Variants in METTL15 observed in about 807,000 individuals in gnomAD.
The protein encoded by METTL15 is methyltransferase 15, mitochondrial 12S rRNA N4-cytidine.
METTL15 carries 34 observed loss-of-function variants against 38.3 expected under a neutral mutation model. That is an observed-to-expected ratio of 0.89 (90% confidence interval 0.68 to 1.18). METTL15 has a LOEUF of 1.18. Ranked by LOEUF, METTL15 falls within the 50% of genes most tolerant of loss-of-function variation. The pLI is 0.00. For missense variants in METTL15, 438 were observed against 498.4 expected, an observed-to-expected ratio of 0.88 and a Z score of 1.15; for synonymous variants, 162 against 170.9, an observed-to-expected ratio of 0.95 and a Z score of 0.41.
intron 3 of METTL15, among the ~76,000 whole-genome samples, chr11:28,129,867 G>T (rs1852681585): frequency 6.6e-6 from 1 of 152,160 alleles, no homozygotes; most frequent in African/African-American, 2.4e-5. Flanking sequence ...ACTATGCCCA[G>T]AAGATTTATC....
At chr11:28,185,590 A>G (rs1851464883) in intron 3 of METTL15, among the ~76,000 whole-genome samples, 1 of 151,428 alleles carries the variant, frequency 6.6e-6, no homozygotes, top group African/African-American at 2.4e-5. Context: ...GCGGTGAAAC[A>G]AAAGAAATAT....
At chr11:28,465,951 A>C (rs1392757466) in intron 6 of METTL15, among the ~76,000 whole-genome samples, 1 of 152,186 alleles carries the variant, frequency 6.6e-6, no homozygotes, top group Non-Finnish European at 1.5e-5. Context: ...ATCTTTACTC[A>C]TTGATTACAG....
chr11:28,114,028 G>A (rs1461552800), intron 3 of METTL15, among the ~76,000 whole-genome samples: 1 of 152,172 alleles, frequency 6.6e-6, no homozygotes, highest in East Asian at 1.9e-4. Flanking sequence ...TAACCCCCTT[G>A]TAAGTTGAGG....
chr11:28,288,311 G>A (rs563811772), intron 4 of METTL15, among the ~76,000 whole-genome samples: 46 of 152,212 alleles, frequency 3.0e-4, no homozygotes, highest in African/African-American at 1.0e-3. Flanking sequence ...TGCCACCACT[G>A]GGTATATACC....
At chr11:28,361,132 G>A (rs1850134810) in intron 4 of METTL15, among the ~76,000 whole-genome samples, 1 of 151,128 alleles carries the variant, frequency 6.6e-6, no homozygotes, top group Admixed American at 6.6e-5. Context: ...GTGTGCATGT[G>A]TCTTTATAGC....
At chr11:28,196,122 A>G (rs1465876979) in intron 3 of METTL15, among the ~76,000 whole-genome samples, 1 of 152,050 alleles carries the variant, frequency 6.6e-6, no homozygotes, top group Admixed American at 6.6e-5. Flanking sequence ...TATAATTGAA[A>G]TTGAAGTAAT....
At chr11:28,513,831 A>G (rs1057414735) in intron 6 of METTL15, among the ~76,000 whole-genome samples, 1 of 152,258 alleles carries the variant, frequency 6.6e-6, no homozygotes, top group African/African-American at 2.4e-5. Flanking sequence ...AACGCCTTTA[A>G]GCAGTTTTCC....
chr11:28,368,171 A>G (rs1441840793), intron 5 of METTL15, among the ~76,000 whole-genome samples: 3 of 151,324 alleles, frequency 2.0e-5, no homozygotes, highest in African/African-American at 4.8e-5. Context: ...AAACAAAGAA[A>G]AAAACAGAAA....
chr11:28,203,285 T>A (rs561268105), intron 3 of METTL15, among the ~76,000 whole-genome samples: 115 of 152,158 alleles, frequency 7.6e-4, no homozygotes, highest in Non-Finnish European at 1.4e-3. Flanking sequence ...TCTTCATCAG[T>A]AACTGGTACA....
intron 3 of METTL15, among the ~76,000 whole-genome samples, chr11:28,155,690 T>A (rs1432041783): frequency 6.6e-6 from 1 of 152,192 alleles, no homozygotes; most frequent in Non-Finnish European, 1.5e-5. Flanking sequence ...GGATAAAGAC[T>A]GTGTGAGTTC....
intron 6 of METTL15, among the ~76,000 whole-genome samples, chr11:28,316,339 T>C (rs373181915): frequency 3.9e-5 from 6 of 152,358 alleles, no homozygotes; most frequent in East Asian, 3.9e-4. Context: ...ATTTCGGATT[T>C]TCATGGGGCC....
intron 5 of METTL15, among the ~76,000 whole-genome samples, chr11:28,384,915 A>T (rs919581547): frequency 6.6e-6 from 1 of 152,036 alleles, no homozygotes; most frequent in Non-Finnish European, 1.5e-5. Flanking sequence ...TCTTTTTCCC[A>T]TGCTTTCTGG....
rs1405480180 is a variant in METTL15, at chr11:28,330,524, C to A, written c.907C>A (p.Leu303Met). Residue 303 changes from leucine (L) to methionine (M), a missense_variant, in exon 7 of 7, where the codon CTG (leucine) becomes ATG (methionine). By Grantham distance (15) the Leu-to-Met change is conservative. Transcript: ENST00000407364. ...NNELNELYTGLKTAQKFLRPG... is the reference protein window; with the variant it reads ...NNELNELYTGMKTAQKFLRPG... ...TGAGCTCAATGAACTCTACACGGGA[C>A]TGAAGACAGCTCAGAAGTTTCTGAG... 2 of 1,551,562 alleles carry A rather than the reference C, an allele frequency of 1.3e-6. No individual in the cohort carries two copies. Among genetic ancestry groups the A allele is most frequent in the Admixed American group, 2.0e-5 (1 of 50,964 alleles).
At chr11:28,378,214 C>A (rs1400398670) in intron 5 of METTL15, among the ~76,000 whole-genome samples, 1 of 152,206 alleles carries the variant, frequency 6.6e-6, no homozygotes, top group Non-Finnish European at 1.5e-5. Context: ...CCTTTGTTTA[C>A]CTAAGCAAGC....
chr11:28,381,743 TAATA>T (rs891988803), intron 5 of METTL15, among the ~76,000 whole-genome samples: 2 of 152,166 alleles, frequency 1.3e-5, no homozygotes, highest in Non-Finnish European at 2.9e-5. Flanking sequence ...TAAAATTTTC[TAATA>T]AATTTCTGAA....
intron 6 of METTL15, among the ~76,000 whole-genome samples, chr11:28,311,564 G>A (rs1857306038): frequency 6.6e-6 from 1 of 152,184 alleles, no homozygotes; most frequent in Non-Finnish European, 1.5e-5. Flanking sequence ...TAGAACATGT[G>A]TTAAAGGAAT....
At chr11:28,121,528 A>G (rs894242215) in intron 3 of METTL15, among the ~76,000 whole-genome samples, 1 of 152,170 alleles carries the variant, frequency 6.6e-6, no homozygotes, top group Non-Finnish European at 1.5e-5. Context: ...GAACTTTCCA[A>G]CATAGCTATT....
At chr11:28,218,278 C>T (rs936954571) in intron 4 of METTL15, among the ~76,000 whole-genome samples, 1 of 152,112 alleles carries the variant, frequency 6.6e-6, no homozygotes, top group Admixed American at 6.5e-5. Context: ...CTTCACATCC[C>T]TTGTAAGTTG....
intron 6 of METTL15, among the ~76,000 whole-genome samples, chr11:28,311,165 T>A (rs766284266): frequency 2.4e-4 from 37 of 152,154 alleles, no homozygotes; most frequent in Non-Finnish European, 4.7e-4. Context: ...AGCAATTAAA[T>A]CATTGTTTTG....
Sources: allele counts gnomAD v4.1 joint callset (sites outside exome capture counted in the v4.1 genomes callset), GRCh38; gene constraint gnomAD v4.1.1; transcripts MANE v1.5; gene names NCBI Gene and HGNC (gene_info 2026-07-23, HGNC 2026-07-21).